NRF1: variants seen among roughly 807,000 people sequenced by gnomAD.
NRF1 encodes alpha palindromic-binding protein.
In NRF1, 5 loss-of-function variants were observed where a neutral mutation model predicts 58.5. The observed-to-expected ratio is 0.09, with a 90% CI of 0.04 to 0.18. The LOEUF is 0.18. Among genes scored for constraint, NRF1 ranks in the 10% least tolerant of loss-of-function variants. The pLI is 1.00. For missense variants in NRF1, 288 were observed against 657.7 expected (o/e 0.44, Z 6.15); for synonymous variants, 224 against 246.7 (o/e 0.91, Z 0.86).
Position 129,630,938 on chromosome 7 carries a change from C to T in NRF1, c.-7+19114C>T, listed in dbSNP as rs528164205. On this transcript the variant is annotated intron_variant, in intron 1 of 10. Coordinates refer to ENST00000393232, the MANE Select transcript of NRF1 (RefSeq NM_005011.5). The stretch of plus-strand genomic sequence containing the variant: ...ATTTTGTAGGCATTTCGAAGTTTGA[C>T]CTCCTTTTTGTCCTAAATTGATTTT... 7.9e-5 allele frequency among the ~76,000 whole-genome samples: 12 copies of T among 152,220 alleles called. No individual in the cohort carries two copies. In the East Asian group the frequency reaches 2.1e-3, roughly 27 times the overall value.
At chr7:129,670,856 C>T (rs1802032143) in intron 2 of NRF1, among the ~76,000 whole-genome samples, 1 of 152,152 alleles carries the variant, frequency 6.6e-6, no homozygotes, top group Non-Finnish European at 1.5e-5. Flanking sequence ...TTGTGTTGAA[C>T]ATCTCCATTT....
chr7:129,693,720 TG>T (rs1261688331), intron 5 of NRF1, among the ~76,000 whole-genome samples: 1 of 152,152 alleles, frequency 6.6e-6, no homozygotes, highest in Non-Finnish European at 1.5e-5. Context: ...GCATTCTGAC[TG>T]GTTCAAGTAA....
chr7:129,700,095 G>A (rs1802786154), intron 5 of NRF1, among the ~76,000 whole-genome samples: 1 of 150,664 alleles, frequency 6.6e-6, no homozygotes, highest in Non-Finnish European at 1.5e-5. Context: ...GAGCTGAGAT[G>A]GCACCATTGC....
chr7:129,654,820 C>A (rs779674089), intron 1 of NRF1, among the ~76,000 whole-genome samples: 2 of 152,194 alleles, frequency 1.3e-5, no homozygotes, highest in Non-Finnish European at 2.9e-5. Flanking sequence ...TGGTCTATTT[C>A]TCTGGTGTTT....
intron 5 of NRF1, among the ~76,000 whole-genome samples, chr7:129,694,450 C>T (rs989160622): frequency 1.1e-4 from 17 of 152,266 alleles, no homozygotes; most frequent in Admixed American, 6.5e-4. Flanking sequence ...CTGCAACCTC[C>T]GCCTTCCAGA....
chr7:129,620,900 T>C (rs1175251726), intron 1 of NRF1, among the ~76,000 whole-genome samples: 2 of 152,334 alleles, frequency 1.3e-5, no homozygotes. Flanking sequence ...CCTTGCAAAT[T>C]TTTTCTGACC....
intron 1 of NRF1, among the ~76,000 whole-genome samples, chr7:129,635,611 C>T (rs914956121): frequency 6.6e-6 from 1 of 152,164 alleles, no homozygotes; most frequent in African/African-American, 2.4e-5. Flanking sequence ...GACAGTCTTC[C>T]TAATAAACAC....
At chr7:129,646,980 C>CTAT (rs139127189) in intron 1 of NRF1, among the ~76,000 whole-genome samples, 1 of 152,314 alleles carries the variant, frequency 6.6e-6, no homozygotes, top group African/African-American at 2.4e-5. Context: ...TATGATAGAT[C>CTAT]TATTCATAGA....
intron 1 of NRF1, among the ~76,000 whole-genome samples, chr7:129,655,522 CT>C (rs35659044): frequency 0.025 from 3,715 of 148,874 alleles, 55 homozygotes; most frequent in Middle Eastern, 0.076. Context: ...TCTTCCTGAT[CT>C]TTTTTTTTTT....
At chr7:129,673,647 G>A (rs1455479239) in intron 3 of NRF1, among the ~76,000 whole-genome samples, 1 of 149,492 alleles carries the variant, frequency 6.7e-6, no homozygotes, top group African/African-American at 2.5e-5. Context: ...AACCCGGGAG[G>A]CGGAGCTTGC....
At chr7:129,654,263 T>C (rs1801602409) in intron 1 of NRF1, among the ~76,000 whole-genome samples, 1 of 152,270 alleles carries the variant, frequency 6.6e-6, no homozygotes, top group Non-Finnish European at 1.5e-5. Flanking sequence ...ACCATCTATA[T>C]ATCTTCCTTG....
chr7:129,732,350 C>T (rs1212507771), intron 10 of NRF1, among the ~76,000 whole-genome samples: 1 of 152,200 alleles, frequency 6.6e-6, no homozygotes, highest in Non-Finnish European at 1.5e-5. Flanking sequence ...AATAGATTAA[C>T]AAGTTCGTAA....
intron 1 of NRF1, among the ~76,000 whole-genome samples, chr7:129,634,144 T>TA (rs1801121194): frequency 6.6e-6 from 1 of 151,548 alleles, no homozygotes; most frequent in South Asian, 2.1e-4. Flanking sequence ...TATGGAGAGT[T>TA]ACCATATTCT....
intron 4 of NRF1, among the ~76,000 whole-genome samples, chr7:129,681,706 TG>T (rs745600651): frequency 1.3e-5 from 2 of 152,196 alleles, no homozygotes; most frequent in Non-Finnish European, 2.9e-5. Flanking sequence ...CCTGAGTAGC[TG>T]GAACTATAGG....
chr7:129,650,735 T>TC (rs570858657), intron 1 of NRF1, among the ~76,000 whole-genome samples: 11 of 152,238 alleles, frequency 7.2e-5, no homozygotes, highest in South Asian at 6.2e-4. Context: ...ATTTTTTTTT[T>TC]CACTTAAAAA....
At chr7:129,630,336 T>G (rs1011157284) in intron 1 of NRF1, among the ~76,000 whole-genome samples, 3 of 152,178 alleles carry the variant, frequency 2.0e-5, no homozygotes, top group Non-Finnish European at 4.4e-5. Context: ...GAGCTAACAG[T>G]CTGAGCCTTG....
At chr7:129,705,440 G>A (rs1346556629) in intron 5 of NRF1, among the ~76,000 whole-genome samples, 1 of 152,116 alleles carries the variant, frequency 6.6e-6, no homozygotes, top group Non-Finnish European at 1.5e-5. Context: ...ACAGGTATGT[G>A]CCACCATGCC....
In NRF1 at chr7:129,711,583, AAG is replaced by A; in HGVS notation, c.1065+11_1065+12del. ...TGCCGTGGCTGATGGAGAGGTAAGA[AAG>A]AGATTCCATCTGCATCTTCTTAAAT... is the stretch of plus-strand genomic sequence containing the variant. On this transcript the variant is annotated splice_region_variant and intron_variant, in intron 8 of 10. Transcript: ENST00000393232. 1.2e-6 allele frequency: 2 copies of A among 1,601,028 alleles called. No individual in the cohort carries two copies. Among genetic ancestry groups the A allele is most frequent in the South Asian group, 1.1e-5 (1 of 89,324 alleles).
chr7:129,741,157 A>G lies in NRF1; in HGVS notation c.1348+13792A>G, dbSNP rs553320124. On this transcript the variant is annotated intron_variant, in intron 10 of 10. Transcript: ENST00000393232. This position sits in a 1 kb window ranked among gnomAD's most constrained non-coding sequence, Gnocchi z 4.0. ...GGTATTCTCAGCTTGGGGAAACTCA[A>G]TGAGCCAGCACACCATCCTATGAAC... is the stretch of plus-strand genomic sequence containing the variant. 1.6e-3 allele frequency among the ~76,000 whole-genome samples: 247 copies of G among 152,214 alleles called. 1 individual carries two copies. The highest frequency in any genetic ancestry group is 5.1e-3 in the African/African-American group (213 of 41,516).
Sources: allele counts gnomAD v4.1 joint callset (sites outside exome capture counted in the v4.1 genomes callset), GRCh38; gene constraint gnomAD v4.1.1; non-coding constraint Gnocchi (gnomAD v3.1); transcripts MANE v1.5; gene names NCBI Gene and HGNC (gene_info 2026-07-23, HGNC 2026-07-21).